Variants in ZNF484 observed in about 807,000 individuals in gnomAD.
ZNF484 encodes KRAB box containing C2H2 type zinc finger bA526D8.4.
In ZNF484, 11 loss-of-function variants were observed where a neutral mutation model predicts 12.9. The observed-to-expected ratio is 0.85, with a 90% CI of 0.54 to 1.41. ZNF484 has a LOEUF of 1.41. Ranked by LOEUF, ZNF484 falls within the 40% of genes most tolerant of loss-of-function variation. The pLI is 0.00. For missense variants in ZNF484, 807 were observed against 1,007.7 expected, an observed-to-expected ratio of 0.80 and a Z score of 2.70; for synonymous variants, 289 against 334.1, an observed-to-expected ratio of 0.86 and a Z score of 1.47.
At position 92,845,339 on chromosome 9, in the gene ZNF484, G is replaced by A. The variant is rs938838964; in HGVS notation, c.*889C>T. 1.3e-5 allele frequency: 2 copies of A among 152,160 alleles called. No individual in the cohort carries two copies. The highest frequency in any genetic ancestry group is 2.4e-5 in the African/African-American group (1 of 41,446). 9.4% of individuals were successfully genotyped at this position (152,160 alleles called of 1,614,324 possible). The stretch of plus-strand genomic sequence containing the variant: ...GAATTTGAAAAACAAAATTAATTAA[G>A]ATTAGTTTGTAGAGATTGTGAGGAG... On this transcript the variant is annotated 3_prime_UTR_variant, in exon 5 of 5. Transcript: ENST00000375495. This position sits in a 1 kb window ranked among gnomAD's most constrained non-coding sequence, Gnocchi z 4.0.
chr9:92,847,668 T>C lies in ZNF484; in HGVS notation c.1119A>G (p.Ile373Met), dbSNP rs771722392. Residue 373 changes from isoleucine (I) to methionine (M), a missense_variant, in exon 5 of 5, where the codon ATA (isoleucine) becomes ATG (methionine). Physicochemically the swap from Ile to Met is conservative, Grantham distance 10 (BLOSUM62 1). Coordinates refer to ENST00000375495, the MANE Select transcript of ZNF484 (RefSeq NM_031486.4). The stretch of plus-strand genomic sequence containing the variant: ...TCCCTCCAGTATGAATTTTTTTATG[T>C]ATATTAAGGTTTGAATTCTGAGGGA... ...KNLPQNSNLNIHKKIHTGGKH... is the reference protein window; with the variant it reads ...KNLPQNSNLNMHKKIHTGGKH... The C allele has an allele frequency of 8.1e-6, 13 of 1,612,812 alleles. 1 individual carries two copies. In the South Asian group the frequency reaches 1.3e-4, roughly 16 times the overall value.
chr9:92,847,481 C>T lies in ZNF484; in HGVS notation c.1306G>A (p.Gly436Arg). ...HFITHERIHT[G>R]EKPYECSDCG... ...TCACTGCATTCATAGGGTTTTTCTCCAGTATGAATTCTTTCATGTGTGATA... is the reference window on the plus strand; with the variant it reads ...TCACTGCATTCATAGGGTTTTTCTCTAGTATGAATTCTTTCATGTGTGATA... The change falls in exon 5 of 5, where the codon GGA becomes AGA. Residue 436 changes from glycine (G) to arginine (R), a missense_variant. Coordinates refer to ENST00000375495, the MANE Select transcript of ZNF484 (RefSeq NM_031486.4). 1 of 1,612,462 alleles carries T rather than the reference C, an allele frequency of 6.2e-7. No individual in the cohort carries two copies. The highest frequency in any genetic ancestry group is 8.5e-7 in the Non-Finnish European group (1 of 1,179,500).
chr9:92,856,161 C>A lies in ZNF484; in HGVS notation c.142+31G>T, dbSNP rs569509325. ...GAAAAATATACTCAATTAGGTGCAG[C>A]CTACTCTATACCCAGCAGAGCCGTG... On this transcript the variant is annotated intron_variant, in intron 3 of 4. Transcript: ENST00000375495. 5 of 1,608,342 alleles carry A rather than the reference C, an allele frequency of 3.1e-6. No homozygotes were observed. In the African/African-American group the frequency reaches 4.0e-5, roughly 13 times the overall value.
intron 4 of ZNF484, among the ~76,000 whole-genome samples, chr9:92,851,017 T>C (rs1856041540): frequency 1.3e-5 from 2 of 152,242 alleles, no homozygotes; most frequent in Non-Finnish European, 2.9e-5. Flanking sequence ...ATCAAACCTG[T>C]GCCCTTCCTT....
intron 3 of ZNF484, 30 bp downstream of exon 3, chr9:92,856,162 C>G (rs747491244): frequency 4.4e-6 from 7 of 1,608,272 alleles, no homozygotes; most frequent in East Asian, 2.2e-5. Flanking sequence ...TAGGTGCAGC[C>G]TACTCTATAC....
chr9:92,861,570 C>G (rs1856779650), intron 2 of ZNF484, among the ~76,000 whole-genome samples: 1 of 152,142 alleles, frequency 6.6e-6, no homozygotes, highest in African/African-American at 2.4e-5. Flanking sequence ...GAATCAGTTA[C>G]CTCAGTTACC....
At chr9:92,857,339 G>A (rs889111649) in intron 2 of ZNF484, among the ~76,000 whole-genome samples, 1 of 152,126 alleles carries the variant, frequency 6.6e-6, no homozygotes, top group African/African-American at 2.4e-5. Context: ...TCCAGCTTTT[G>A]TCCTGGATTC....
intron 2 of ZNF484, among the ~76,000 whole-genome samples, chr9:92,858,425 G>A (rs533541550): frequency 6.6e-6 from 1 of 152,208 alleles, no homozygotes. Context: ...AGTCTGAGAA[G>A]TTAAAGAGGA....
At chr9:92,876,080 A>G (rs1263447371) in intron 1 of ZNF484, among the ~76,000 whole-genome samples, 1 of 152,212 alleles carries the variant, frequency 6.6e-6, no homozygotes, top group Non-Finnish European at 1.5e-5. Context: ...AATGAACCAC[A>G]CAATAAATCT....
In ZNF484 at chr9:92,846,197, A is replaced by C; in HGVS notation, c.*31T>G. ...CTCCCCATATGTGTAACTACACATC[A>C]GCTATATGATCCAGATGTTCATAAT... On this transcript the variant is annotated 3_prime_UTR_variant, in exon 5 of 5. Coordinates refer to ENST00000375495, the MANE Select transcript of ZNF484 (RefSeq NM_031486.4). 3.1e-6 allele frequency: 5 copies of C among 1,590,142 alleles called. No individual in the cohort carries two copies. Among genetic ancestry groups the C allele is most frequent in the Non-Finnish European group, 3.4e-6 (4 of 1,168,878 alleles).
rs769068957 is a variant in ZNF484 at position 92,846,846 on chromosome 9, G to T, written c.1941C>A (p.Asp647Glu). The change falls in exon 5 of 5, where the codon GAC becomes GAA. Residue 647 changes from aspartate (D) to glutamate (E), a missense_variant. Asp to Glu is a conservative substitution (Grantham distance 45). Coordinates refer to ENST00000375495, the MANE Select transcript of ZNF484 (RefSeq NM_031486.4). ...TCTGGTGTGTAAAGAGATTTGATCTGTCAGTAAAAGCCTTTCCACATTCAG... is the reference window on the plus strand; with the variant it reads ...TCTGGTGTGTAAAGAGATTTGATCTTTCAGTAAAAGCCTTTCCACATTCAG... ...RCAECGKAFT[D>E]RSNLFTHQKI... is the part of the protein sequence containing the mutation. The T allele has an allele frequency of 3.4e-5, 55 of 1,613,642 alleles. No individual in the cohort carries two copies. The highest frequency in any genetic ancestry group is 4.3e-5 in the Non-Finnish European group (51 of 1,179,936).
intron 2 of ZNF484, among the ~76,000 whole-genome samples, chr9:92,859,959 C>T (rs528888953): frequency 6.4e-4 from 97 of 152,266 alleles, no homozygotes; most frequent in African/African-American, 2.1e-3. Flanking sequence ...GATGATAATA[C>T]GCATGGAGTA....
At chr9:92,869,187 G>A (rs888368260) in intron 2 of ZNF484, among the ~76,000 whole-genome samples, 2 of 151,872 alleles carry the variant, frequency 1.3e-5, no homozygotes, top group African/African-American at 4.8e-5. Flanking sequence ...TTATTATTTA[G>A]TATATTTTAA....
chr9:92,849,637 A>C (rs1246950399), intron 4 of ZNF484, among the ~76,000 whole-genome samples: 1 of 151,934 alleles, frequency 6.6e-6, no homozygotes, highest in African/African-American at 2.4e-5. Flanking sequence ...AAAATGAAAA[A>C]ACAATTAGCT....
intron 2 of ZNF484, among the ~76,000 whole-genome samples, chr9:92,860,610 A>G (rs1856727082): frequency 6.6e-6 from 1 of 151,374 alleles, no homozygotes; most frequent in South Asian, 2.1e-4. Flanking sequence ...TCTCAAAAAA[A>G]AAAAAAAAAC....
At chr9:92,851,443 T>C (rs532780099) in intron 4 of ZNF484, among the ~76,000 whole-genome samples, 1 of 152,360 alleles carries the variant, frequency 6.6e-6, no homozygotes, top group Non-Finnish European at 1.5e-5. Flanking sequence ...CACCCATACA[T>C]TGATGTATTG....
At chr9:92,869,199 A>C (rs1857284223) in intron 2 of ZNF484, among the ~76,000 whole-genome samples, 2 of 152,246 alleles carry the variant, frequency 1.3e-5, no homozygotes, top group South Asian at 4.1e-4. Context: ...ATATTTTAAT[A>C]TATTGAGAAG....
chr9:92,855,696 G>T, intron 4 of ZNF484, 115 bp downstream of exon 4: 1 of 895,012 alleles, frequency 1.1e-6, no homozygotes, highest in Non-Finnish European at 1.8e-6. Context: ...CTTCCAAGCA[G>T]TTCTAAAAGT....
chr9:92,874,295 G>GTTCT (rs200619792), intron 2 of ZNF484, among the ~76,000 whole-genome samples: 3 of 141,556 alleles, frequency 2.1e-5, no homozygotes, highest in South Asian at 2.2e-4. Flanking sequence ...GTTAGTGCAC[G>GTTCT]TTCTTTCTTT....
Sources: allele counts gnomAD v4.1 joint callset (sites outside exome capture counted in the v4.1 genomes callset), GRCh38; gene constraint gnomAD v4.1.1; non-coding constraint Gnocchi (gnomAD v3.1); transcripts MANE v1.5; gene names NCBI Gene and HGNC (gene_info 2026-07-23, HGNC 2026-07-21).